Variants in SMAD2 observed in about 807,000 individuals in gnomAD.
SMAD2 encodes SMAD family member 2.
A neutral mutation model predicts 64.4 loss-of-function variants in SMAD2; 8 were observed. The ratio of observed to expected loss-of-function variants is 0.12; its 90% confidence interval spans 0.07 to 0.22. SMAD2 has a LOEUF of 0.22. Ranked by LOEUF, SMAD2 falls within the 10% of genes least tolerant of loss-of-function variation. SMAD2 has a pLI of 1.00. For synonymous variants in SMAD2, 203 were observed against 195.8 expected (o/e 1.04, Z -0.31); for missense variants, 289 against 561.2 (o/e 0.51, Z 4.90).
chr18:47,903,148 A>C (rs2033754425), intron 1 of SMAD2, among the ~76,000 whole-genome samples: 1 of 152,128 alleles, frequency 6.6e-6, no homozygotes, highest in South Asian at 2.1e-4. Flanking sequence ...GAAAAAGATG[A>C]TCCCAAGAGA....
intron 6 of SMAD2, among the ~76,000 whole-genome samples, chr18:47,857,932 A>T (rs940036856): frequency 6.6e-6 from 1 of 152,198 alleles, no homozygotes; most frequent in African/African-American, 2.4e-5. Flanking sequence ...TAAGGTAGGG[A>T]ACTGACCCTC....
intron 4 of SMAD2, among the ~76,000 whole-genome samples, chr18:47,868,996 C>T (rs1024945332): frequency 1.3e-5 from 2 of 152,132 alleles, no homozygotes; most frequent in African/African-American, 4.8e-5. Flanking sequence ...AGCAGACTGC[C>T]AATCTACAGG....
intron 2 of SMAD2, among the ~76,000 whole-genome samples, chr18:47,893,441 G>A (rs946759069): frequency 6.6e-6 from 1 of 152,150 alleles, no homozygotes; most frequent in African/African-American, 2.4e-5. Flanking sequence ...TTTGTTTCCC[G>A]TTCTTCATCA....
At chr18:47,870,660 T>C in intron 2 of SMAD2, 96 bp from the exon 3 acceptor site, 2 of 835,992 alleles carry the variant, frequency 2.4e-6, no homozygotes, top group Non-Finnish European at 4.2e-6. Flanking sequence ...TACAGAATAC[T>C]TCCTTCACCC....
At chr18:47,849,469 A>G (rs1387329532) in intron 7 of SMAD2, among the ~76,000 whole-genome samples, 1 of 121,598 alleles carries the variant, frequency 8.2e-6, no homozygotes, top group Non-Finnish European at 1.7e-5. Context: ...AAATAATAAT[A>G]GTAATACAGA....
rs1248612943 is a variant in SMAD2, at chr18:47,824,088, T to C, written c.*17739A>G. ...AATGCAGGATGCAGGACCAGACCAA[T>C]AACCCGGGAAAGGTCTATTCTGTCA... On this transcript the variant is annotated 3_prime_UTR_variant, in exon 11 of 11. Coordinates refer to ENST00000262160, the MANE Select transcript of SMAD2 (RefSeq NM_005901.6). The C allele has an allele frequency of 2.0e-5, 3 of 152,152 alleles. No individual in the cohort carries two copies. The highest frequency in any genetic ancestry group is 1.5e-5 in the Non-Finnish European group (1 of 68,032). The allele number at this position is 152,152 out of a possible 1,614,324, so 9.4% of individuals were successfully genotyped here. A position where few individuals can be genotyped will look rare whatever the true frequency, so the allele number is the denominator to read the frequency against.
chr18:47,903,009 A>G (rs960814840), intron 1 of SMAD2, among the ~76,000 whole-genome samples: 1 of 152,218 alleles, frequency 6.6e-6, no homozygotes, highest in African/African-American at 2.4e-5. Context: ...TGCAAAAAGT[A>G]TGTCAAAGCT....
chr18:47,929,982 C>A (rs2034932628), intron 1 of SMAD2, among the ~76,000 whole-genome samples: 1 of 151,504 alleles, frequency 6.6e-6, no homozygotes. Context: ...ACAAAGGTTA[C>A]GAGACCAAAA....
intron 10 of SMAD2, among the ~76,000 whole-genome samples, chr18:47,843,565 T>A (rs1466633075): frequency 3.3e-5 from 5 of 152,194 alleles, no homozygotes; most frequent in Admixed American, 1.3e-4. Flanking sequence ...TTAAAAAAAA[T>A]AGTTTTAGAA....
At chr18:47,888,933 C>T (rs955826157) in intron 2 of SMAD2, among the ~76,000 whole-genome samples, 15 of 151,888 alleles carry the variant, frequency 9.9e-5, no homozygotes, top group Non-Finnish European at 2.1e-4. Context: ...AGGAAATAGA[C>T]AAAATGGAGA....
intron 2 of SMAD2, among the ~76,000 whole-genome samples, chr18:47,876,013 A>G (rs887780834): frequency 2.0e-5 from 3 of 152,074 alleles, no homozygotes; most frequent in Non-Finnish European, 4.4e-5. Context: ...ATGTCTGTAC[A>G]TTACTCAAAT....
chr18:47,842,169 G>A (rs977679393), intron 10 of SMAD2, among the ~76,000 whole-genome samples: 3 of 152,052 alleles, frequency 2.0e-5, no homozygotes, highest in African/African-American at 7.2e-5. Flanking sequence ...TTTTCTCATC[G>A]CACTAAAATT....
Position 47,836,240 on chromosome 18 carries a change from T to G in SMAD2, c.*5587A>C, listed in dbSNP as rs1913400460. On this transcript the variant is annotated 3_prime_UTR_variant, in exon 11 of 11. Coordinates refer to ENST00000262160, the MANE Select transcript of SMAD2 (RefSeq NM_005901.6). ...CCCAGGGTAACTTAAGCAGCAACCTTGCACCAGAAGAAGAATTAAAGAGGG... is the reference window on the plus strand; with the variant it reads ...CCCAGGGTAACTTAAGCAGCAACCTGGCACCAGAAGAAGAATTAAAGAGGG... 4.5e-6 allele frequency: 1 copy of G among 223,022 alleles called. No homozygotes were observed. The highest frequency in any genetic ancestry group is 8.9e-6 in the Non-Finnish European group (1 of 111,758). The allele number at this position is 223,022 out of a possible 1,614,324, so 13.8% of individuals were successfully genotyped here.
In SMAD2 at chr18:47,812,394, G is replaced by A. The variant is rs913127120; in HGVS notation, c.*29433C>T. ...TCTTTTATAAATTACCCAGTCTCCG[G>A]TATCTCTTTATTAGCCGCGTGAGAT... On this transcript the variant is annotated 3_prime_UTR_variant, in exon 11 of 11. Coordinates refer to ENST00000262160, the MANE Select transcript of SMAD2 (RefSeq NM_005901.6). The A allele has an allele frequency of 6.6e-6, 1 of 152,194 alleles. No individual in the cohort carries two copies. The highest frequency in any genetic ancestry group is 1.9e-4 in the East Asian group (1 of 5,156). The allele number at this position is 152,194 out of a possible 1,614,324, so 9.4% of individuals were successfully genotyped here.
chr18:47,853,943 T>G (rs1568047207), intron 6 of SMAD2, among the ~76,000 whole-genome samples: 1 of 152,210 alleles, frequency 6.6e-6, no homozygotes, highest in Non-Finnish European at 1.5e-5. Context: ...TTTAACTGTT[T>G]ACTCCTCTAT....
In SMAD2 at chr18:47,839,926, G is replaced by A. The variant is rs1459429418; in HGVS notation, c.*1901C>T. 9 of 233,020 alleles carry A rather than the reference G, an allele frequency of 3.9e-5. No homozygotes were observed. Among genetic ancestry groups the A allele is most frequent in the Non-Finnish European group, 7.6e-5 (9 of 118,032 alleles). 14.4% of individuals were successfully genotyped at this position (233,020 alleles called of 1,614,324 possible). ...GAAGCATCCCATCTGTTATTCTCCA[G>A]TACAGTACCCTGTTTATCTCCTTCA... On this transcript the variant is annotated 3_prime_UTR_variant, in exon 11 of 11. Coordinates refer to ENST00000262160, the MANE Select transcript of SMAD2 (RefSeq NM_005901.6).
At chr18:47,867,414 G>T (rs980001086) in intron 5 of SMAD2, 1 of 151,674 alleles carries the variant, frequency 6.6e-6, no homozygotes, top group African/African-American at 2.4e-5. Context: ...ATACATGAAA[G>T]AAATAATTGT....
intron 2 of SMAD2, among the ~76,000 whole-genome samples, chr18:47,877,360 T>C (rs2032325451): frequency 6.6e-6 from 1 of 152,122 alleles, no homozygotes; most frequent in South Asian, 2.1e-4. Context: ...TCTGTAACTA[T>C]GCATCCATAA....
chr18:47,920,674 G>A (rs1010671078), intron 1 of SMAD2, among the ~76,000 whole-genome samples: 2 of 152,106 alleles, frequency 1.3e-5, no homozygotes, highest in African/African-American at 4.8e-5. Flanking sequence ...TGTGTTATTC[G>A]AAAAAATGAA....
Sources: allele counts gnomAD v4.1 joint callset (sites outside exome capture counted in the v4.1 genomes callset), GRCh38; gene constraint gnomAD v4.1.1; transcripts MANE v1.5; gene names NCBI Gene and HGNC (gene_info 2026-07-23, HGNC 2026-07-21).